TTC6: variants seen among roughly 807,000 people sequenced by gnomAD.
TTC6 encodes the protein tetratricopeptide repeat domain 6.
A neutral mutation model predicts 210.4 loss-of-function variants in TTC6; 172 were observed. The observed-to-expected ratio is 0.82, with a 90% confidence interval of 0.72 to 0.93. The LOEUF (loss-of-function observed/expected upper bound fraction) is 0.93. Among genes scored for constraint, TTC6 ranks in the 40% least tolerant of loss-of-function variants. The probability of loss-of-function intolerance (pLI) is 0.00; values close to 1 mark genes in which losing one functional copy is unlikely to be tolerated. For synonymous variants in TTC6, 804 were observed against 819.6 expected (o/e 0.98, Z 0.32); for missense variants, 2,414 against 2,318.1 (o/e 1.04, Z -0.85).
rs992198105 is a variant in TTC6, at chr14:37,811,240, A to G, written c.4570-1074A>G. Among the ~76,000 whole-genome samples the G allele has an allele frequency of 4.6e-5, 7 of 152,352 alleles. No individual in the cohort carries two copies. In the South Asian group the frequency reaches 1.4e-3, roughly 32 times the overall value. On this transcript the variant is annotated intron_variant, in intron 24 of 30. Transcript: ENST00000553443. Reference sequence around the variant, plus strand: ...ATACTGGTTTCACATAATGTGACTTAGTAAAAGAAAAATGTTAGACAATTT... The same window carrying G: ...ATACTGGTTTCACATAATGTGACTTGGTAAAAGAAAAATGTTAGACAATTT...
intron 6 of TTC6, 90 bp downstream of exon 8, chr14:37,714,886 A>C (rs1342089490): frequency 1.6e-6 from 2 of 1,267,754 alleles, no homozygotes; most frequent in Non-Finnish European, 2.1e-6. Context: ...CTTAAAAATT[A>C]TTGAGGGCTG....
At position 37,811,315 on chromosome 14, in the gene TTC6, AT is replaced by A. The variant is rs142706094; in HGVS notation, c.4570-991del. On this transcript the variant is annotated intron_variant, in intron 24 of 30. Transcript: ENST00000553443. ...TTTTCTTTTTTGACAAATACTACTG[AT>A]TTTTTTTATAGTCCTGGCAATTTTT... 7.2e-5 allele frequency among the ~76,000 whole-genome samples: 11 copies of A among 151,988 alleles called. No individual in the cohort carries two copies. The East Asian group carries it at 1.3e-3, about 19-fold the overall frequency.
rs1258744039 is a variant in TTC6 at position 37,792,301 on chromosome 14, C to T, written c.3595C>T (p.His1199Tyr). The change falls in exon 17 of 31, where the codon CAT becomes TAT. Residue 1199 changes from histidine to tyrosine, a missense_variant. Coordinates refer to ENST00000553443, the Ensembl canonical transcript of TTC6. ...GGCTTATGTAAATATTGGCCTCATA[C>T]ATCTGCTACACCTGGATAACTACAC... 5 of 1,530,126 alleles carry T rather than the reference C, an allele frequency of 3.3e-6. No homozygotes were observed. The South Asian group carries it at 4.8e-5, about 15-fold the overall frequency. The allele number at this position is 1,530,126 out of a possible 1,614,324, so 94.8% of individuals were successfully genotyped here.
At chr14:37,757,986 G>A (rs1471051675) in intron 14 of TTC6, among the ~76,000 whole-genome samples, 5 of 152,046 alleles carry the variant, frequency 3.3e-5, no homozygotes, top group African/African-American at 7.3e-5. Context: ...GTAATTATGC[G>A]GTTTTAACTG....
chr14:37,681,517 A>G (rs1019283844), intron 2 of TTC6, among the ~76,000 whole-genome samples: 4 of 152,180 alleles, frequency 2.6e-5, no homozygotes, highest in African/African-American at 9.6e-5. Flanking sequence ...ATTGACATTT[A>G]CAGGCAATCA....
exon 31 of TTC6, chr14:37,842,404 G>T (rs2096212255): frequency 1.1e-6 from 1 of 946,464 alleles, no homozygotes; most frequent in African/African-American, 1.7e-5. Flanking sequence ...GTTATGCTTA[G>T]TCTTCCATAT....
chr14:37,795,051 T>A (rs1003271864), intron 17 of TTC6, among the ~76,000 whole-genome samples: 2 of 152,200 alleles, frequency 1.3e-5, no homozygotes, highest in African/African-American at 2.4e-5. Flanking sequence ...ATAATTATTA[T>A]TTAAAATTAA....
At chr14:37,817,782 A>G in intron 26 of TTC6, 131 bp downstream of exon 28, 1 of 850,028 alleles carries the variant, frequency 1.2e-6, no homozygotes, top group Admixed American at 2.4e-5. Flanking sequence ...GAGTACAAAA[A>G]TGGGGAGGGA....
At chr14:37,667,811 T>G (rs2095751033) in intron 1 of TTC6, among the ~76,000 whole-genome samples, 1 of 150,608 alleles carries the variant, frequency 6.6e-6, no homozygotes, top group Non-Finnish European at 1.5e-5. Context: ...CCACTAAAGT[T>G]TATTCACCAG....
Position 37,809,807 on chromosome 14 carries a change from C to T in TTC6, c.4569+961C>T, listed in dbSNP as rs1323693056. Among the ~76,000 whole-genome samples, 9 of 152,268 alleles carry T rather than the reference C, an allele frequency of 5.9e-5. No individual in the cohort carries two copies. In the East Asian group the frequency reaches 7.7e-4, roughly 13 times the overall value. ...TCTTACCTACTCTCTTCTCTCCTGT[C>T]GGTTTGGTCCCTTTTCAATGAGGAT... On this transcript the variant is annotated intron_variant, in intron 24 of 30. Coordinates refer to ENST00000553443, the Ensembl canonical transcript of TTC6.
chr14:37,781,620 C>G (rs1375067041), intron 14 of TTC6, among the ~76,000 whole-genome samples: 2 of 152,136 alleles, frequency 1.3e-5, no homozygotes, highest in Admixed American at 1.3e-4. Flanking sequence ...TGCAGAAGCT[C>G]TTTAGTTTAA....
chr14:37,751,450 T>C (rs985038697), intron 13 of TTC6, among the ~76,000 whole-genome samples: 1 of 152,134 alleles, frequency 6.6e-6, no homozygotes, highest in African/African-American at 2.4e-5. Flanking sequence ...CAGAATTGAG[T>C]GTGGAGGCAT....
At chr14:37,781,338 G>GTA (rs1163229052) in intron 14 of TTC6, among the ~76,000 whole-genome samples, 1 of 152,036 alleles carries the variant, frequency 6.6e-6, no homozygotes, top group African/African-American at 2.4e-5. Context: ...GAGTAAGATG[G>GTA]TATCTCATTA....
intron 7 of TTC6, 118 bp from the exon 10 acceptor site, chr14:37,735,803 T>C: frequency 1.7e-6 from 1 of 576,032 alleles, no homozygotes; most frequent in Non-Finnish European, 2.9e-6. Flanking sequence ...TATACTACTT[T>C]CATATGTTTT....
At chr14:37,804,068 CT>C (rs1451990776) in intron 20 of TTC6, among the ~76,000 whole-genome samples, 1 of 152,124 alleles carries the variant, frequency 6.6e-6, no homozygotes, top group Non-Finnish European at 1.5e-5. Context: ...TTTAATGAGA[CT>C]TTTTCATTCA....
At chr14:37,798,754 G>A (rs900503991) in intron 20 of TTC6, among the ~76,000 whole-genome samples, 16 of 151,914 alleles carry the variant, frequency 1.1e-4, no homozygotes, top group African/African-American at 3.6e-4. Context: ...ACAAAATAAA[G>A]ATTACATAAT....
chr14:37,814,014 C>T (rs1030515404), intron 25 of TTC6, among the ~76,000 whole-genome samples: 3 of 152,194 alleles, frequency 2.0e-5, no homozygotes, highest in African/African-American at 7.2e-5. Flanking sequence ...ACTCTTGCCC[C>T]TCTACATGCT....
intron 7 of TTC6, among the ~76,000 whole-genome samples, chr14:37,727,420 A>T (rs2095875473): frequency 6.7e-6 from 1 of 149,926 alleles, no homozygotes; most frequent in African/African-American, 2.5e-5. Flanking sequence ...CAGCCTCCCG[A>T]GTAGCCGGGA....
chr14:37,614,125 C>T (rs1377360071), intron 2 of TTC6, among the ~76,000 whole-genome samples: 2 of 151,968 alleles, frequency 1.3e-5, no homozygotes, highest in Admixed American at 6.6e-5. Context: ...CAGCTACACC[C>T]CACACATTCT....
Sources: allele counts gnomAD v4.1 joint callset (sites outside exome capture counted in the v4.1 genomes callset), GRCh38; gene constraint gnomAD v4.1.1; transcripts MANE v1.5; gene names NCBI Gene and HGNC (gene_info 2026-07-23, HGNC 2026-07-21).